The following IL12B variants were observed in gnomAD, a reference collection of about 807,000 sequenced individuals.
IL12B encodes interleukin 12B.
Under a neutral mutation model 39.2 loss-of-function variants are expected in IL12B, and 27 were observed. The observed-to-expected ratio is 0.69, with a 90% CI of 0.51 to 0.95. The LOEUF (loss-of-function observed/expected upper bound fraction) is 0.95. Ranked by LOEUF, IL12B falls within the 40% of genes least tolerant of loss-of-function variation. The probability of loss-of-function intolerance (pLI) is 0.00; values close to 1 mark genes in which losing one functional copy is unlikely to be tolerated. For missense variants in IL12B, 351 were observed against 397.6 expected, an observed-to-expected ratio of 0.88 and a Z score of 1.00; for synonymous variants, 142 against 152.1, an observed-to-expected ratio of 0.93 and a Z score of 0.49.
rs1177988458 is a variant in IL12B, at chr5:159,315,627, G to C, written c.*474C>G. 6.5e-6 allele frequency: 1 copy of C among 152,750 alleles called. No individual in the cohort carries two copies. The highest frequency in any genetic ancestry group is 2.4e-5 in the African/African-American group (1 of 41,444). The allele number at this position is 152,750 out of a possible 1,614,324, so 9.5% of individuals were successfully genotyped here. On this transcript the variant is annotated 3_prime_UTR_variant, in exon 8 of 8. Transcript: ENST00000231228. ...GCGTTCCCATCCATCACAAGTGTAT[G>C]ATGGCACTGGTATCAGAACACTGCA...
At chr5:159,322,639 C>T in intron 3 of IL12B, 128 bp from the exon 4 acceptor site, 1 of 721,650 alleles carries the variant, frequency 1.4e-6, no homozygotes, top group South Asian at 1.5e-5. Flanking sequence ...TTGGGTAGCT[C>T]CATAAGGATT....
intron 2 of IL12B, chr5:159,325,426 T>C (rs1003475796): frequency 6.6e-6 from 1 of 152,216 alleles, no homozygotes; most frequent in African/African-American, 2.4e-5. Flanking sequence ...CCAGATTTCT[T>C]TCAGGTACCC....
At chr5:159,323,377 C>G (rs368447540) in intron 2 of IL12B, 48 bp from the exon 3 acceptor site, 242 of 1,588,262 alleles carry the variant, frequency 1.5e-4, no homozygotes, top group Non-Finnish European at 2.0e-4. Flanking sequence ...TCCAGGAACT[C>G]TGGGACTGTG....
rs1203889728 is a variant in IL12B, at chr5:159,318,199, T to TA, written c.855+536dup. 5.8e-5 allele frequency: 9 copies of TA among 155,606 alleles called. No homozygotes were observed. In the East Asian group the frequency reaches 1.1e-3, roughly 20 times the overall value. 9.6% of individuals were successfully genotyped at this position (155,606 alleles called of 1,614,324 possible). On this transcript the variant is annotated intron_variant, in intron 6 of 7. Transcript: ENST00000231228. Reference sequence around the variant, plus strand: ...AGCCTCTTTTCCACAAAAAAGGGGGTAAAAAAACAAGAATAACATCAGCTA... The same window carrying TA: ...AGCCTCTTTTCCACAAAAAAGGGGGTAAAAAAAACAAGAATAACATCAGCTA...
In IL12B at chr5:159,315,702, G is replaced by C. The variant is rs1276353134; in HGVS notation, c.*399C>G. ...ATGTACTTGCAGCCTTGCTTGAAAA[G>C]TTGTCAGTACAAATAAAATTAAATT... On this transcript the variant is annotated 3_prime_UTR_variant, in exon 8 of 8. Coordinates refer to ENST00000231228, the MANE Select transcript of IL12B (RefSeq NM_002187.3). 1 of 152,768 alleles carries C rather than the reference G, an allele frequency of 6.5e-6. No individual in the cohort carries two copies. The highest frequency in any genetic ancestry group is 2.4e-5 in the African/African-American group (1 of 41,448). The allele number at this position is 152,768 out of a possible 1,614,324, so 9.5% of individuals were successfully genotyped here.
At chr5:159,316,471 C>G (rs961375988) in intron 7 of IL12B, among the ~76,000 whole-genome samples, 1 of 152,214 alleles carries the variant, frequency 6.6e-6, no homozygotes, top group Non-Finnish European at 1.5e-5. Context: ...GGTCTGTTTT[C>G]TTTCCTGCAA....
At chr5:159,317,424 C>A (rs1754007201) in intron 6 of IL12B, among the ~76,000 whole-genome samples, 1 of 152,230 alleles carries the variant, frequency 6.6e-6, no homozygotes, top group Non-Finnish European at 1.5e-5. Context: ...AGGGAAAGTA[C>A]TTGCCAAGAT....
chr5:159,318,534 G>T (rs1416742488), intron 6 of IL12B, among the ~76,000 whole-genome samples: 5 of 152,170 alleles, frequency 3.3e-5, no homozygotes, highest in Non-Finnish European at 5.9e-5. Context: ...AGCGTAGTAG[G>T]CTATACCATC....
In IL12B at chr5:159,314,880, C is replaced by T. The variant is rs1249203811; in HGVS notation, c.*1221G>A. The T allele has an allele frequency of 1.3e-5, 2 of 152,252 alleles. No homozygotes were observed. Among genetic ancestry groups the T allele is most frequent in the East Asian group, 1.9e-4 (1 of 5,330 alleles). 9.4% of individuals were successfully genotyped at this position (152,252 alleles called of 1,614,324 possible). A position where few individuals can be genotyped will look rare whatever the true frequency, so the allele number is the denominator to read the frequency against. ...ACAAATGTAATCACTTTACAGAGCGCACATACATTACTTAAAAGTAGCACC... is the reference window on the plus strand; with the variant it reads ...ACAAATGTAATCACTTTACAGAGCGTACATACATTACTTAAAAGTAGCACC... On this transcript the variant is annotated 3_prime_UTR_variant, in exon 8 of 8. Coordinates refer to ENST00000231228, the MANE Select transcript of IL12B (RefSeq NM_002187.3).
chr5:159,326,547 T>C, intron 2 of IL12B, 148 bp downstream of exon 2: 1 of 646,360 alleles, frequency 1.5e-6, no homozygotes, highest in Non-Finnish European at 2.8e-6. Flanking sequence ...AAAAGAGAGA[T>C]ATGGCATTGC....
intron 6 of IL12B, among the ~76,000 whole-genome samples, chr5:159,317,203 T>A (rs1754003445): frequency 6.6e-6 from 1 of 152,176 alleles, no homozygotes; most frequent in African/African-American, 2.4e-5. Flanking sequence ...AAAACTTGCC[T>A]TCAAATTCTG....
chr5:159,327,024 A>T (rs1366771586), intron 1 of IL12B, among the ~76,000 whole-genome samples: 1 of 152,164 alleles, frequency 6.6e-6, no homozygotes, highest in East Asian at 1.9e-4. Context: ...CTAAATAGAG[A>T]ACCATAGGGT....
At chr5:159,320,254 G>C in intron 5 of IL12B, 52 bp downstream of exon 5, 4 of 1,496,680 alleles carry the variant, frequency 2.7e-6, no homozygotes, top group Non-Finnish European at 3.7e-6. Flanking sequence ...TTGTGAACAC[G>C]TGACAAATAG....
intron 2 of IL12B, among the ~76,000 whole-genome samples, chr5:159,325,921 G>T (rs1754180957): frequency 6.6e-6 from 1 of 152,166 alleles, no homozygotes; most frequent in African/African-American, 2.4e-5. Flanking sequence ...ATACTAGAAG[G>T]ATGGGCAGAA....
rs573197810 is a variant in IL12B at position 159,326,361 on chromosome 5, T to C, written c.88+334A>G. Among the ~76,000 whole-genome samples the C allele has an allele frequency of 5.3e-5, 8 of 152,360 alleles. No individual in the cohort carries two copies. In the South Asian group the frequency reaches 1.7e-3, roughly 32 times the overall value. On this transcript the variant is annotated intron_variant, in intron 2 of 7. Transcript: ENST00000231228. Reference sequence around the variant, plus strand: ...GAGAAACGAACACAGTTGTTATACTTTGCAAATCCTCTACTTTGGAATTTT... The same window carrying C: ...GAGAAACGAACACAGTTGTTATACTCTGCAAATCCTCTACTTTGGAATTTT...
intron 2 of IL12B, 94 bp from the exon 3 acceptor site, chr5:159,323,423 C>A: frequency 8.5e-7 from 1 of 1,171,538 alleles, no homozygotes; most frequent in Non-Finnish European, 1.2e-6. Context: ...ATTGCCTAAA[C>A]ACAACCTTGT....
At chr5:159,328,505 G>C (rs186567160) in intron 1 of IL12B, among the ~76,000 whole-genome samples, 1 of 152,288 alleles carries the variant, frequency 6.6e-6, no homozygotes, top group African/African-American at 2.4e-5. Context: ...TATTATAGAA[G>C]GCAACCAATA....
In IL12B at chr5:159,315,772, A is replaced by C. The variant is rs1194482946; in HGVS notation, c.*329T>G. On this transcript the variant is annotated 3_prime_UTR_variant, in exon 8 of 8. Transcript: ENST00000231228. ...ACTGATCCTGATGGATCAGGTCATA[A>C]GAGTATGAAACATTCCATACATCCT... 1.3e-5 allele frequency: 2 copies of C among 152,816 alleles called. No individual in the cohort carries two copies. Among genetic ancestry groups the C allele is most frequent in the African/African-American group, 4.8e-5 (2 of 41,464 alleles). 9.5% of individuals were successfully genotyped at this position (152,816 alleles called of 1,614,324 possible). A position where few individuals can be genotyped will look rare whatever the true frequency, so the allele number is the denominator to read the frequency against.
intron 1 of IL12B, among the ~76,000 whole-genome samples, chr5:159,328,579 C>T (rs1366903297): frequency 6.6e-6 from 1 of 152,200 alleles, no homozygotes; most frequent in East Asian, 1.9e-4. Flanking sequence ...TTTTATATAT[C>T]ATGGATAGTC....
Sources: allele counts gnomAD v4.1 joint callset (sites outside exome capture counted in the v4.1 genomes callset), GRCh38; gene constraint gnomAD v4.1.1; transcripts MANE v1.5; gene names NCBI Gene and HGNC (gene_info 2026-07-23, HGNC 2026-07-21).